Variants in PHLPP1 observed in about 807,000 individuals in gnomAD.
The protein encoded by PHLPP1 is PH domain leucine-rich repeat-containing protein phosphatase 1.
PHLPP1 carries 42 observed loss-of-function variants against 117.2 expected under a neutral mutation model. The observed-to-expected ratio is 0.36, with a 90% CI of 0.28 to 0.46. PHLPP1 has a LOEUF of 0.46. PHLPP1 is among the 20% of genes least tolerant of loss of function. The pLI is 1.00. For missense variants in PHLPP1, 2,084 were observed against 2,241.9 expected (o/e 0.93, Z 1.42); for synonymous variants, 1,042 against 970.7 (o/e 1.07, Z -1.37).
intron 1 of PHLPP1, among the ~76,000 whole-genome samples, chr18:62,757,658 A>T (rs1294762647): frequency 1.3e-5 from 2 of 152,238 alleles, no homozygotes; most frequent in African/African-American, 4.8e-5. Flanking sequence ...CTATAAACAC[A>T]TGTAGTTTTT....
At chr18:62,883,016 C>A (rs1236653882) in intron 4 of PHLPP1, among the ~76,000 whole-genome samples, 1 of 149,624 alleles carries the variant, frequency 6.7e-6, no homozygotes, top group Non-Finnish European at 1.5e-5. Context: ...AGCTAGGTAC[C>A]AGAAAGAAAA....
rs927381093 is a variant in PHLPP1, at chr18:62,810,362, A to AT, written c.1577-19664dup. ...TCAGGTAAGATTTAGTGATTAAGTA[A>AT]TTTTTTTTTGTGGTAATCTTAATAC... On this transcript the variant is annotated intron_variant, in intron 1 of 16. Transcript: ENST00000262719. Among the ~76,000 whole-genome samples the AT allele has an allele frequency of 1.1e-4, 17 of 151,596 alleles. No homozygotes were observed. The South Asian group carries it at 2.7e-3, about 24-fold the overall frequency.
At chr18:62,965,911 A>G (rs952025801) in intron 14 of PHLPP1, among the ~76,000 whole-genome samples, 6 of 151,942 alleles carry the variant, frequency 3.9e-5, no homozygotes, top group Non-Finnish European at 5.9e-5. Flanking sequence ...CCTCATTCCA[A>G]TTAGCAAGGG....
chr18:62,882,799 A>G (rs949648643), intron 4 of PHLPP1, among the ~76,000 whole-genome samples: 2 of 152,154 alleles, frequency 1.3e-5, no homozygotes, highest in African/African-American at 4.8e-5. Flanking sequence ...ATTTTACCCA[A>G]GCTTTTCTAT....
chr18:62,959,052 T>G (rs1490650860), intron 13 of PHLPP1, among the ~76,000 whole-genome samples: 1 of 152,200 alleles, frequency 6.6e-6, no homozygotes, highest in African/African-American at 2.4e-5. Context: ...CCAGGTTATT[T>G]AAATAAAACC....
intron 3 of PHLPP1, among the ~76,000 whole-genome samples, chr18:62,854,789 C>T (rs1442564791): frequency 1.3e-5 from 2 of 151,178 alleles, no homozygotes; most frequent in East Asian, 2.0e-4. Context: ...CTCCGCCTCC[C>T]AGGTTCAAGT....
intron 14 of PHLPP1, among the ~76,000 whole-genome samples, chr18:62,965,878 A>AT (rs901647005): frequency 3.3e-5 from 5 of 150,556 alleles, no homozygotes; most frequent in Non-Finnish European, 7.4e-5. Context: ...ACGTTACTGT[A>AT]TTTTTTTTTC....
In PHLPP1 at chr18:62,958,694, G is replaced by A; in HGVS notation, c.3390G>A (p.Leu1130=). 1 of 1,613,934 alleles carries A rather than the reference G, an allele frequency of 6.2e-7. No homozygotes were observed. The highest frequency in any genetic ancestry group is 8.5e-7 in the Non-Finnish European group (1 of 1,179,844). ...VTLPENLPPK[L]QELDLTGNPR... ...TACCAGAAAACCTGCCTCCCAAACT[G>A]CAGGAGCTAGACCTGACTGGAAACC... The change falls in exon 13 of 17, where the codon CTG becomes CTA. Residue 1130 remains leucine (L), a synonymous_variant. Coordinates refer to ENST00000262719, the MANE Select transcript of PHLPP1 (RefSeq NM_194449.4).
chr18:62,767,711 A>T (rs568918263), intron 1 of PHLPP1, among the ~76,000 whole-genome samples: 1 of 152,324 alleles, frequency 6.6e-6, no homozygotes, highest in Admixed American at 6.5e-5. Flanking sequence ...GTAAGTGGGT[A>T]ACAGCTGTTT....
At chr18:62,880,935 A>C (rs1568148476) in intron 4 of PHLPP1, among the ~76,000 whole-genome samples, 1 of 152,052 alleles carries the variant, frequency 6.6e-6, no homozygotes, top group African/African-American at 2.4e-5. Flanking sequence ...CTCCCTCTCC[A>C]CCATAGGCAG....
At chr18:62,762,215 C>G (rs1912268475) in intron 1 of PHLPP1, among the ~76,000 whole-genome samples, 1 of 151,522 alleles carries the variant, frequency 6.6e-6, no homozygotes. Context: ...CAGGTCGTCA[C>G]TCATCTGTAT....
intron 1 of PHLPP1, among the ~76,000 whole-genome samples, chr18:62,773,732 C>A (rs1446678504): frequency 6.6e-6 from 1 of 152,202 alleles, no homozygotes; most frequent in Non-Finnish European, 1.5e-5. Flanking sequence ...GAAAATGACA[C>A]AACCCTGTCT....
intron 10 of PHLPP1, 27 bp from the exon 11 acceptor site, chr18:62,941,691 G>A (rs757975812): frequency 1.3e-6 from 2 of 1,570,496 alleles, no homozygotes; most frequent in East Asian, 2.3e-5. Context: ...CTTTTCAATG[G>A]CATTTTGTTG....
intron 3 of PHLPP1, among the ~76,000 whole-genome samples, chr18:62,852,740 C>T (rs1915390825): frequency 6.6e-6 from 1 of 152,190 alleles, no homozygotes; most frequent in African/African-American, 2.4e-5. Flanking sequence ...TAATTTTGAG[C>T]ATGCCATGCA....
intron 3 of PHLPP1, among the ~76,000 whole-genome samples, chr18:62,847,254 G>T (rs1915204193): frequency 6.6e-6 from 1 of 152,068 alleles, no homozygotes; most frequent in African/African-American, 2.4e-5. Flanking sequence ...AGCCGTTGTT[G>T]TTCTCACTGT....
At chr18:62,944,129 A>G (rs1910210039) in intron 11 of PHLPP1, among the ~76,000 whole-genome samples, 1 of 152,222 alleles carries the variant, frequency 6.6e-6, no homozygotes, top group South Asian at 2.1e-4. Context: ...GGTAGAAACA[A>G]TACCAAAAAA....
intron 2 of PHLPP1, among the ~76,000 whole-genome samples, chr18:62,833,913 T>C (rs1259943912): frequency 6.6e-6 from 1 of 152,194 alleles, no homozygotes; most frequent in Non-Finnish European, 1.5e-5. Context: ...AGTTTGCGAG[T>C]GGAGTTACTA....
chr18:62,923,226 G>A (rs1909529429), intron 10 of PHLPP1, among the ~76,000 whole-genome samples: 1 of 152,200 alleles, frequency 6.6e-6, no homozygotes, highest in African/African-American at 2.4e-5. Flanking sequence ...GGCTGCGAGG[G>A]GAGGACAGGG....
At chr18:62,872,986 CAAA>C (rs60920082) in intron 4 of PHLPP1, among the ~76,000 whole-genome samples, 12 of 54,808 alleles carry the variant, frequency 2.2e-4, no homozygotes, top group East Asian at 7.0e-4. Context: ...AACTCTGCCT[CAAA>C]AAAAAAAAAA....
Sources: gnomAD v4.1 joint callset for allele counts (sites outside exome capture counted in the v4.1 genomes callset) on GRCh38, gnomAD v4.1.1 for gene constraint, MANE v1.5 for transcripts, NCBI Gene and HGNC (gene_info 2026-07-23, HGNC 2026-07-21) for gene names.